The following AAGAB variants were observed in gnomAD, a reference collection of about 807,000 sequenced individuals.
AAGAB encodes the protein alpha- and gamma-adaptin-binding protein p34.
In AAGAB, 38 loss-of-function variants were observed where a neutral mutation model predicts 44.1. The observed-to-expected ratio is 0.86, with a 90% CI of 0.67 to 1.13. The LOEUF (loss-of-function observed/expected upper bound fraction) is 1.13. Among genes scored for constraint, AAGAB ranks in the 50% most tolerant of loss-of-function variants. The pLI, the probability that AAGAB is intolerant of heterozygous loss-of-function variation, is 0.00. For synonymous variants in AAGAB, 131 were observed against 131.8 expected (o/e 0.99, Z 0.04); for missense variants, 450 against 373.8 (o/e 1.20, Z -1.68).
At position 67,202,870 on chromosome 15, in the gene AAGAB, C is replaced by T; in HGVS notation, c.899G>A (p.Gly300Glu). The change falls in exon 10 of 10, where the codon GGG (glycine) becomes GAG (glutamate). Residue 300 changes from glycine (G) to glutamate (E), a missense_variant. By Grantham distance (98) the Gly-to-Glu change is moderately conservative. Transcript: ENST00000261880. ...GCCTTCAATTTCATCTCTGTCTCCC[C>T]CGATTGCCATCCAGAATGCTTTGGC... ...KVAKAFWMAI[G>E]GDRDEIEGLS... 1 of 1,614,066 alleles carries T rather than the reference C, an allele frequency of 6.2e-7. No individual in the cohort carries two copies. Among genetic ancestry groups the T allele is most frequent in the South Asian group, 1.1e-5 (1 of 91,072 alleles).
rs796628646 is a variant in AAGAB at position 67,203,897 on chromosome 15, T to A, written c.820+147A>T. ...TTTTCCCCAGGGAATTTTTTTTTTT[T>A]ACCAAGTCCCAGGAGTAGCTAAGTT... On this transcript the variant is annotated intron_variant, in intron 8 of 9. Transcript: ENST00000261880. 20 of 617,140 alleles carry A rather than the reference T, an allele frequency of 3.2e-5. No individual in the cohort carries two copies. In the South Asian group the frequency reaches 3.7e-4, roughly 11 times the overall value. 38.2% of individuals were successfully genotyped at this position (617,140 alleles called of 1,614,324 possible).
At chr15:67,223,159 C>G (rs1964121877) in intron 5 of AAGAB, among the ~76,000 whole-genome samples, 1 of 152,184 alleles carries the variant, frequency 6.6e-6, no homozygotes, top group Non-Finnish European at 1.5e-5. Flanking sequence ...TGTCCCTGGG[C>G]TGAGTCCTTG....
At chr15:67,255,095 C>A, upstream of AAGAB, 1 of 741,448 alleles carries the variant, frequency 1.3e-6, no homozygotes, top group Non-Finnish European at 2.4e-6. Context: ...AAATGCCCAC[C>A]CAGACCTTCC....
chr15:67,238,876 TA>T, intron 1 of AAGAB, among the ~76,000 whole-genome samples: 1 of 152,154 alleles, frequency 6.6e-6, no homozygotes, highest in Non-Finnish European at 1.5e-5. Flanking sequence ...TCTGTATTTT[TA>T]GTACAGACAG....
chr15:67,238,757 G>A (rs1445943903), intron 1 of AAGAB, among the ~76,000 whole-genome samples: 4 of 150,258 alleles, frequency 2.7e-5, no homozygotes, highest in Admixed American at 6.7e-5. Flanking sequence ...GTGCAGTGGC[G>A]TGATCTCGGC....
At chr15:67,254,374 T>A (rs1965009701) in intron 1 of AAGAB, 185 bp downstream of exon 1, 1 of 1,379,146 alleles carries the variant, frequency 7.3e-7, no homozygotes. Context: ...GAAGGCCGAG[T>A]GGGCAGAAAA....
intron 5 of AAGAB, among the ~76,000 whole-genome samples, chr15:67,230,984 G>T (rs967111595): frequency 6.6e-6 from 1 of 152,074 alleles, no homozygotes; most frequent in African/African-American, 2.4e-5. Context: ...TGGCATTCAG[G>T]CCTCTCTCTA....
intron 5 of AAGAB, among the ~76,000 whole-genome samples, chr15:67,225,945 A>C (rs1434162312): frequency 1.3e-5 from 2 of 152,174 alleles, no homozygotes; most frequent in East Asian, 3.8e-4. Flanking sequence ...AGCAACTACT[A>C]AACTCTCTAA....
At chr15:67,232,361 A>T in intron 4 of AAGAB, 1 of 178,364 alleles carries the variant, frequency 5.6e-6, no homozygotes, top group South Asian at 1.3e-4. Context: ...AAGGAAAAAA[A>T]TCAAATACAG....
At chr15:67,206,498 A>C (rs1475426418) in intron 7 of AAGAB, among the ~76,000 whole-genome samples, 1 of 152,178 alleles carries the variant, frequency 6.6e-6, no homozygotes, top group East Asian at 1.9e-4. Context: ...TTTTGTGCCT[A>C]ATGATGGCTT....
At chr15:67,251,238 G>C (rs1437529533) in intron 1 of AAGAB, among the ~76,000 whole-genome samples, 1 of 148,200 alleles carries the variant, frequency 6.7e-6, no homozygotes, top group Admixed American at 6.7e-5. Flanking sequence ...GTGTGTGTCT[G>C]TGTGTGTGTG....
rs146531490 is a variant in AAGAB, at chr15:67,214,053, T to G, written c.536-4509A>C. Among the ~76,000 whole-genome samples the G allele has an allele frequency of 2.6e-5, 4 of 152,344 alleles. No homozygotes were observed. The East Asian group carries it at 7.7e-4, about 29-fold the overall frequency. ...GACTCTCTGATTCTAAAGTCTATAC[T>G]CTTTCCATTAAGGCCAGAGGTCTTG... On this transcript the variant is annotated intron_variant, in intron 5 of 9. Transcript: ENST00000261880.
chr15:67,246,284 C>CG (rs1270586608), intron 1 of AAGAB, among the ~76,000 whole-genome samples: 1 of 149,434 alleles, frequency 6.7e-6, no homozygotes, highest in African/African-American at 2.5e-5. Context: ...GCGGTGGGGT[C>CG]GGGGGGCTGA....
chr15:67,244,317 GA>G (rs1311265568), intron 1 of AAGAB, among the ~76,000 whole-genome samples: 2 of 152,014 alleles, frequency 1.3e-5, no homozygotes, highest in Non-Finnish European at 2.9e-5. Context: ...ACGAATCATG[GA>G]AAACAAAAAC....
At chr15:67,247,813 C>T (rs544012551) in intron 1 of AAGAB, among the ~76,000 whole-genome samples, 29 of 152,340 alleles carry the variant, frequency 1.9e-4, no homozygotes, top group African/African-American at 6.7e-4. Context: ...AAGGCTTCAA[C>T]TACCATCAAA....
intron 5 of AAGAB, among the ~76,000 whole-genome samples, chr15:67,228,685 C>A (rs1324348078): frequency 6.6e-6 from 1 of 152,136 alleles, no homozygotes; most frequent in African/African-American, 2.4e-5. Context: ...GTATGTTCAT[C>A]ACAGCACTAT....
At chr15:67,229,172 G>A (rs1964274022) in intron 5 of AAGAB, among the ~76,000 whole-genome samples, 1 of 152,094 alleles carries the variant, frequency 6.6e-6, no homozygotes, top group Non-Finnish European at 1.5e-5. Context: ...GGTGGCTCAC[G>A]CCTGTAATCC....
At chr15:67,212,413 T>A (rs759045482) in intron 5 of AAGAB, among the ~76,000 whole-genome samples, 4 of 152,230 alleles carry the variant, frequency 2.6e-5, no homozygotes, top group Admixed American at 2.6e-4. Context: ...GATAAAATTA[T>A]GAAAAAGTCA....
chr15:67,251,475 T>TG (rs1171346624), intron 1 of AAGAB, among the ~76,000 whole-genome samples: 1 of 152,172 alleles, frequency 6.6e-6, no homozygotes, highest in African/African-American at 2.4e-5. Flanking sequence ...AGGCTGGTCT[T>TG]GAACTCCTGT....
Sources: allele counts gnomAD v4.1 joint callset (sites outside exome capture counted in the v4.1 genomes callset), GRCh38; gene constraint gnomAD v4.1.1; transcripts MANE v1.5; gene names NCBI Gene and HGNC (gene_info 2026-07-23, HGNC 2026-07-21).